CAST: variants seen among roughly 807,000 people sequenced by gnomAD.
The protein encoded by CAST is calpastatin.
CAST carries 76 observed loss-of-function variants against 119.6 expected under a neutral mutation model. The observed-to-expected ratio is 0.64, with a 90% CI of 0.53 to 0.77. The LOEUF is 0.77. Among genes scored for constraint, CAST ranks in the 30% least tolerant of loss-of-function variants. The pLI is 0.00. For synonymous variants in CAST, 319 were observed against 331.6 expected, an observed-to-expected ratio of 0.96 and a Z score of 0.41; for missense variants, 953 against 946.5, an observed-to-expected ratio of 1.01 and a Z score of -0.09.
the CAST span, among the ~76,000 whole-genome samples, chr5:96,354,680 G>A: frequency 2.7e-5 from 4 of 148,712 alleles, no homozygotes; most frequent in African/African-American, 9.8e-5. Context: ...TATATATTAT[G>A]TATATTATAT....
chr5:96,573,927 TG>T (rs1475080405), intron 1 of CAST, among the ~76,000 whole-genome samples: 18 of 152,220 alleles, frequency 1.2e-4, no homozygotes, highest in Admixed American at 3.9e-4. Flanking sequence ...AGATCTTCTA[TG>T]ATTTGTCTTC....
the CAST span, among the ~76,000 whole-genome samples, chr5:96,063,493 C>A: frequency 3.3e-5 from 5 of 152,112 alleles, no homozygotes; most frequent in Non-Finnish European, 7.4e-5. Flanking sequence ...AGTTGTTGAT[C>A]CCAAGGATAC....
rs34594086 is a variant in CAST, at chr5:96,736,458, AAAAC to A, written c.699+227_699+230del. Among the ~76,000 whole-genome samples, 35,671 of 151,738 alleles carry A rather than the reference AAAAC, an allele frequency of 0.24. 4,864 individuals carry two copies. The highest frequency in any genetic ancestry group is 0.32 in the Non-Finnish European group (21,801 of 67,788). On this transcript the variant is annotated intron_variant, in intron 10 of 31. Transcript: ENST00000675179. ...GCTATTATAACCCCTTTTTTAAAAA[AAAAC>A]AAACAAACTCCAGTTTCATCCCATG...
intron 2 of CAST, 38 bp downstream of exon 2, chr5:96,675,639 T>A: frequency 7.0e-7 from 1 of 1,428,618 alleles, no homozygotes; most frequent in Non-Finnish European, 9.8e-7. Flanking sequence ...TTTCTCTTGC[T>A]TTTAAACTGT....
the CAST span, among the ~76,000 whole-genome samples, chr5:96,512,345 T>A: frequency 6.6e-6 from 1 of 152,174 alleles, no homozygotes; most frequent in Admixed American, 6.5e-5. Context: ...AGGCTGGAGC[T>A]TATAAACCTG....
At chr5:96,329,525 C>T in the CAST span, among the ~76,000 whole-genome samples, 4 of 152,188 alleles carry the variant, frequency 2.6e-5, no homozygotes, top group African/African-American at 7.2e-5. Flanking sequence ...GCCCCACTGC[C>T]CAGTTTCCCT....
At chr5:96,629,839 C>T (rs752727815) in intron 1 of CAST, among the ~76,000 whole-genome samples, 5 of 152,220 alleles carry the variant, frequency 3.3e-5, no homozygotes, top group Non-Finnish European at 5.9e-5. Context: ...TACCACAGCA[C>T]TTATTTAGTG....
intron 20 of CAST, among the ~76,000 whole-genome samples, chr5:96,752,890 C>T (rs905812460): frequency 6.6e-6 from 1 of 151,566 alleles, no homozygotes; most frequent in Admixed American, 6.6e-5. Flanking sequence ...GATATTGCAA[C>T]CCCATCCCCA....
chr5:96,258,937 A>G, the CAST span, among the ~76,000 whole-genome samples: 1 of 152,234 alleles, frequency 6.6e-6, no homozygotes, highest in Non-Finnish European at 1.5e-5. Flanking sequence ...CAATATACAA[A>G]TAAGTACTAA....
intron 1 of CAST, among the ~76,000 whole-genome samples, chr5:96,551,451 C>T (rs1318132711): frequency 2.6e-5 from 4 of 152,120 alleles, no homozygotes; most frequent in Non-Finnish European, 5.9e-5. Flanking sequence ...CTGGTACCAG[C>T]CACTGCAAAA....
chr5:96,184,507 C>T, the CAST span, among the ~76,000 whole-genome samples: 2 of 152,178 alleles, frequency 1.3e-5, no homozygotes, highest in African/African-American at 4.8e-5. Context: ...GACACTCTCC[C>T]TGACACCACC....
the CAST span, among the ~76,000 whole-genome samples, chr5:96,109,046 G>T: frequency 6.6e-6 from 1 of 152,254 alleles, no homozygotes; most frequent in South Asian, 2.1e-4. Context: ...GACCCCTTGC[G>T]CTTTCTGAGT....
the CAST span, among the ~76,000 whole-genome samples, chr5:96,285,038 T>C: frequency 6.6e-6 from 1 of 152,228 alleles, no homozygotes; most frequent in Non-Finnish European, 1.5e-5. Flanking sequence ...TGGTCTTAGT[T>C]TTCTTATCTG....
chr5:96,554,282 T>C (rs1464164477), intron 1 of CAST, among the ~76,000 whole-genome samples: 1 of 152,130 alleles, frequency 6.6e-6, no homozygotes, highest in Non-Finnish European at 1.5e-5. Context: ...TTTGACAAAC[T>C]TGACACACAC....
intron 1 of CAST, among the ~76,000 whole-genome samples, chr5:96,548,493 T>G (rs994846000): frequency 1.4e-4 from 22 of 152,122 alleles, no homozygotes; most frequent in South Asian, 2.1e-4. Flanking sequence ...TTACCAGGAC[T>G]TTTTGCTGTC....
the CAST span, among the ~76,000 whole-genome samples, chr5:96,173,748 T>TC: frequency 2.0e-4 from 30 of 148,528 alleles, no homozygotes; most frequent in Non-Finnish European, 3.1e-4. Context: ...ACTTTTTTTT[T>TC]TCTTTTTTTT....
the CAST span, among the ~76,000 whole-genome samples, chr5:96,405,688 G>A: frequency 6.4e-4 from 97 of 152,238 alleles, no homozygotes; most frequent in East Asian, 0.018. Flanking sequence ...AAAAGAAAAG[G>A]AAAGGATTAT....
the CAST span, among the ~76,000 whole-genome samples, chr5:96,287,994 A>G: frequency 2.0e-5 from 3 of 152,318 alleles, no homozygotes; most frequent in South Asian, 6.2e-4. Flanking sequence ...TTAAGTGAAG[A>G]GAGTGAAATG....
the CAST span, among the ~76,000 whole-genome samples, chr5:96,144,692 G>A: frequency 4.0e-5 from 6 of 148,944 alleles, no homozygotes; most frequent in East Asian, 2.0e-4. Context: ...TTTTTTAGAC[G>A]GAGTCTCATT....
Sources: gnomAD v4.1 joint callset for allele counts (sites outside exome capture counted in the v4.1 genomes callset) on GRCh38, gnomAD v4.1.1 for gene constraint, MANE v1.5 for transcripts, NCBI Gene and HGNC (gene_info 2026-07-23, HGNC 2026-07-21) for gene names.